The following FGFR2 variants were observed in gnomAD, a reference collection of about 807,000 sequenced individuals.
The protein encoded by FGFR2 is fibroblast growth factor receptor 2, also known as BEK fibroblast growth factor receptor.
Under a neutral mutation model 95.9 loss-of-function variants are expected in FGFR2, and 19 were observed. The observed-to-expected ratio is 0.20, with a 90% CI of 0.14 to 0.29. The LOEUF (loss-of-function observed/expected upper bound fraction) is 0.29. Ranked by LOEUF, FGFR2 falls within the 10% of genes least tolerant of loss-of-function variation. The pLI is 1.00. For missense variants in FGFR2, 707 were observed against 1,056.9 expected, an observed-to-expected ratio of 0.67 and a Z score of 4.59; for synonymous variants, 392 against 393.3, an observed-to-expected ratio of 1.00 and a Z score of 0.04.
At chr10:121,505,856 C>T (rs980660769) in intron 9 of FGFR2, among the ~76,000 whole-genome samples, 13 of 152,298 alleles carry the variant, frequency 8.5e-5, no homozygotes, top group East Asian at 3.9e-4. Flanking sequence ...GCGGGTTTAA[C>T]GGCCAATGAT....
In FGFR2 at chr10:121,507,237, G is replaced by A. The variant is rs116092211; in HGVS notation, c.1288-3296C>T. On this transcript the variant is annotated intron_variant, in intron 9 of 17. Transcript: ENST00000358487. ...GTCCCAGTTTGAGCACTCACTCACT[G>A]TGTGAGCTTTGGGAAATCACTTAAC... 7.0e-3 allele frequency among the ~76,000 whole-genome samples: 1,067 copies of A among 152,332 alleles called. 10 individuals are homozygous for A. The highest frequency in any genetic ancestry group is 0.023 in the African/African-American group (949 of 41,558).
chr10:121,518,535 G>T lies in FGFR2; in HGVS notation c.940-1072C>A. On this transcript the variant is annotated intron_variant, in intron 7 of 17. Transcript: ENST00000358487. This position sits in a 1 kb window ranked among gnomAD's most constrained non-coding sequence, Gnocchi z 4.0. Reference sequence around the variant, plus strand: ...CATGGCTACTGGCATCATACCAGCTGCATCACCGAAGAAAGATTATTATAA... The same window carrying T: ...CATGGCTACTGGCATCATACCAGCTTCATCACCGAAGAAAGATTATTATAA... 1 of 851,182 alleles carries T rather than the reference G, an allele frequency of 1.2e-6. No homozygotes were observed. The highest frequency in any genetic ancestry group is 1.8e-6 in the Non-Finnish European group (1 of 558,308). The allele number at this position is 851,182 out of a possible 1,614,324, so 52.7% of individuals were successfully genotyped here.
intron 6 of FGFR2, among the ~76,000 whole-genome samples, chr10:121,524,876 C>CT (rs930521338): frequency 1.8e-4 from 27 of 152,256 alleles, no homozygotes; most frequent in African/African-American, 5.8e-4. Context: ...AAGTTTGCAA[C>CT]TTTTTTGCAA....
At chr10:121,573,073 T>C (rs1465171913) in intron 2 of FGFR2, among the ~76,000 whole-genome samples, 1 of 152,230 alleles carries the variant, frequency 6.6e-6, no homozygotes, top group Non-Finnish European at 1.5e-5. Flanking sequence ...CGGTAAGCTA[T>C]TTCAGGTAAC....
intron 5 of FGFR2, among the ~76,000 whole-genome samples, chr10:121,543,038 T>A (rs1389725038): frequency 6.6e-6 from 1 of 152,264 alleles, no homozygotes; most frequent in East Asian, 1.9e-4. Context: ...AGTTTTATTC[T>A]GTGCCAGGTA....
rs1007849752 is a variant in FGFR2, at chr10:121,526,028, G to C, written c.749-5859C>G. ...CCGGCAGTCACACACCAAGAGACTCGAATCACACGGAGTTCCCAGTATTGA... is the reference window on the plus strand; with the variant it reads ...CCGGCAGTCACACACCAAGAGACTCCAATCACACGGAGTTCCCAGTATTGA... On this transcript the variant is annotated intron_variant, in intron 6 of 17. Coordinates refer to ENST00000358487, the MANE Select transcript of FGFR2 (RefSeq NM_000141.5). 7.6e-6 allele frequency: 3 copies of C among 394,874 alleles called. No homozygotes were observed. In the Admixed American group the frequency reaches 1.3e-4, roughly 17 times the overall value. The allele number at this position is 394,874 out of a possible 1,614,324, so 24.5% of individuals were successfully genotyped here.
intron 2 of FGFR2, among the ~76,000 whole-genome samples, chr10:121,577,178 T>TATAGAGAGAGAG: frequency 0.01 from 54 of 5,208 alleles, 1 homozygote; most frequent in South Asian, 0.014. Context: ...TATATATATA[T>TATAGAGAGAGAG]AGAGAGAGAG....
chr10:121,515,106 T>C lies in FGFR2; in HGVS notation c.1287+11A>G, dbSNP rs758846086. 2 of 1,613,610 alleles carry C rather than the reference T, an allele frequency of 1.2e-6. No individual in the cohort carries two copies. The highest frequency in any genetic ancestry group is 1.7e-6 in the Non-Finnish European group (2 of 1,179,616). On this transcript the variant is annotated intron_variant, in intron 9 of 17. Transcript: ENST00000358487. Reference sequence around the variant, plus strand: ...GAGGAGTAAATTTCTTTAAACTCTTTATCTACTTTCTGTTACCTGTCTCCG... The same window carrying C: ...GAGGAGTAAATTTCTTTAAACTCTTCATCTACTTTCTGTTACCTGTCTCCG...
Position 121,480,916 on chromosome 10 carries a change from A to G in FGFR2, c.2302-895T>C, listed in dbSNP as rs1042242322. ...GGTCTTTAACATTGGTAAGCGGTTG[A>G]AAAAAAAAATCAAAAGAAGAAGAAT... On this transcript the variant is annotated intron_variant, in intron 17 of 17. Coordinates refer to ENST00000358487, the MANE Select transcript of FGFR2 (RefSeq NM_000141.5). Among the ~76,000 whole-genome samples, 9 of 150,812 alleles carry G rather than the reference A, an allele frequency of 6.0e-5. 1 individual carries two copies. Among genetic ancestry groups the G allele is most frequent in the South Asian group, 2.1e-4 (1 of 4,736 alleles).
intron 5 of FGFR2, among the ~76,000 whole-genome samples, chr10:121,541,968 C>T (rs540432931): frequency 6.6e-6 from 1 of 152,254 alleles, no homozygotes; most frequent in Non-Finnish European, 1.5e-5. Context: ...AAAACTGCTG[C>T]TTCAAGCACT....
rs780002820 is a variant in FGFR2, at chr10:121,551,243, A to G, written c.624+47T>C. 3.1e-6 allele frequency: 5 copies of G among 1,607,826 alleles called. No homozygotes were observed. In the South Asian group the frequency reaches 4.4e-5, roughly 14 times the overall value. On this transcript the variant is annotated intron_variant, in intron 5 of 17. Transcript: ENST00000358487. ...GCAAAAAAAAAATGTAAATAAATAA[A>G]TAAACAAAAATGTAAGAAATGTGAT...
At chr10:121,545,410 G>C (rs1190719809) in intron 5 of FGFR2, among the ~76,000 whole-genome samples, 1 of 152,206 alleles carries the variant, frequency 6.6e-6, no homozygotes, top group Non-Finnish European at 1.5e-5. Flanking sequence ...TGAGGTAGGG[G>C]TAGGGCAAGC....
At chr10:121,577,187 A>AGAGAGAGAGAGAGAGG (rs1554859079) in intron 2 of FGFR2, among the ~76,000 whole-genome samples, 5 of 118,062 alleles carry the variant, frequency 4.2e-5, no homozygotes, top group Admixed American at 8.8e-5. Context: ...ATAGAGAGAG[A>AGAGAGAGAGAGAGAGG]GAGAGAGAGA....
intron 13 of FGFR2, among the ~76,000 whole-genome samples, chr10:121,490,336 G>C (rs1397958587): frequency 2.0e-5 from 3 of 151,800 alleles, no homozygotes; most frequent in Non-Finnish European, 4.4e-5. Context: ...GGCTAATTTT[G>C]TATTTTTGGT....
chr10:121,597,325 C>G (rs1056619748), intron 1 of FGFR2, among the ~76,000 whole-genome samples: 1 of 152,242 alleles, frequency 6.6e-6, no homozygotes, highest in African/African-American at 2.4e-5. Flanking sequence ...AGCAGGCAGG[C>G]GAACTAGAAA....
intron 13 of FGFR2, among the ~76,000 whole-genome samples, chr10:121,496,071 C>T (rs959935014): frequency 2.0e-5 from 3 of 152,148 alleles, no homozygotes; most frequent in African/African-American, 7.2e-5. Flanking sequence ...TACTAAAATA[C>T]CCCTTTGTTT....
rs1354809777 is a variant in FGFR2, at chr10:121,517,345, T to C, written c.1058A>G (p.His353Arg). 1 of 1,613,202 alleles carries C rather than the reference T, an allele frequency of 6.2e-7. No homozygotes were observed. The highest frequency in any genetic ancestry group is 8.5e-7 in the Non-Finnish European group (1 of 1,179,794). Residue 353 changes from histidine (H) to arginine (R), a missense_variant, in exon 8 of 18, where the codon CAC (histidine) becomes CGC (arginine). Around this residue, in one of 7 missense-constraint regions of FGFR2, gnomAD observed 139 missense variants for 278.1 expected, o/e 0.50. Transcript: ENST00000358487. The surrounding 1 kb of genome is among the most constrained non-coding windows in gnomAD (Gnocchi z 4.7). Reference protein sequence around the residue: ...LAGNSIGISFHSAWLTVLPAP... With the variant: ...LAGNSIGISFRSAWLTVLPAP... ...TGGCAGAACTGTCAACCATGCAGAG[T>C]GAAAGGATATCCCAATAGAATTACC...
chr10:121,584,854 G>A (rs12769527), intron 2 of FGFR2, among the ~76,000 whole-genome samples: 43 of 3,158 alleles, frequency 0.014, no homozygotes, highest in Non-Finnish European at 0.016. Flanking sequence ...TCTCCATCCC[G>A]CACCCCACCC....
At chr10:121,584,308 C>CA (rs962756452) in intron 2 of FGFR2, among the ~76,000 whole-genome samples, 6 of 151,992 alleles carry the variant, frequency 3.9e-5, no homozygotes, top group Admixed American at 3.9e-4. Context: ...CTCACCTCTC[C>CA]AGCCTGGCCA....
Sources: allele counts gnomAD v4.1 joint callset (sites outside exome capture counted in the v4.1 genomes callset), GRCh38; gene constraint gnomAD v4.1.1; regional missense constraint gnomAD v4.1.1; non-coding constraint Gnocchi (gnomAD v3.1); transcripts MANE v1.5; gene names NCBI Gene and HGNC (gene_info 2026-07-23, HGNC 2026-07-21).